SCFD2: variants seen among roughly 807,000 people sequenced by gnomAD.
SCFD2 encodes sec1 family domain-containing protein 2.
Under a neutral mutation model 58.9 loss-of-function variants are expected in SCFD2, and 54 were observed. That is an observed-to-expected ratio of 0.92 (90% CI 0.74 to 1.15). The LOEUF is 1.15. Ranked by LOEUF, SCFD2 falls within the 50% of genes most tolerant of loss-of-function variation. The pLI, the probability that SCFD2 is intolerant of heterozygous loss-of-function variation, is 0.00. For missense variants in SCFD2, 805 were observed against 836.6 expected (o/e 0.96, Z 0.47); for synonymous variants, 321 against 335.9 (o/e 0.96, Z 0.49).
intron 4 of SCFD2, among the ~76,000 whole-genome samples, chr4:53,182,006 T>C (rs894907172): frequency 4.6e-5 from 7 of 152,218 alleles, no homozygotes; most frequent in African/African-American, 1.4e-4. Flanking sequence ...TAAAAGAGGA[T>C]ACAAACAAAT....
At chr4:52,916,031 T>C (rs1719593623) in intron 6 of SCFD2, among the ~76,000 whole-genome samples, 1 of 152,180 alleles carries the variant, frequency 6.6e-6, no homozygotes, top group Non-Finnish European at 1.5e-5. Context: ...GTACAGTATG[T>C]GTCTGTGGAA....
intron 3 of SCFD2, among the ~76,000 whole-genome samples, chr4:53,280,535 A>G (rs1284331833): frequency 2.0e-5 from 3 of 152,118 alleles, no homozygotes; most frequent in Non-Finnish European, 4.4e-5. Flanking sequence ...AAAAGAAAGA[A>G]AGCAATTTTG....
chr4:53,236,858 T>C (rs1009107927), intron 4 of SCFD2, among the ~76,000 whole-genome samples: 2 of 150,666 alleles, frequency 1.3e-5, no homozygotes, highest in South Asian at 2.1e-4. Flanking sequence ...ATTTATTTTT[T>C]ATTGATAATT....
intron 5 of SCFD2, among the ~76,000 whole-genome samples, chr4:52,922,746 T>C (rs915620650): frequency 2.0e-5 from 3 of 152,344 alleles, no homozygotes; most frequent in African/African-American, 7.2e-5. Flanking sequence ...CAGCTGGTCA[T>C]ATGGTAACTT....
chr4:53,070,252 G>C (rs180916988), intron 5 of SCFD2, among the ~76,000 whole-genome samples: 1 of 152,094 alleles, frequency 6.6e-6, no homozygotes. Context: ...ATTAAATTAG[G>C]ATTTTTGACA....
chr4:53,295,917 C>T (rs1484291621), intron 3 of SCFD2, among the ~76,000 whole-genome samples: 2 of 152,124 alleles, frequency 1.3e-5, no homozygotes, highest in African/African-American at 4.8e-5. Flanking sequence ...GTCATTGGTT[C>T]TGTTTATGTG....
At chr4:53,312,963 A>C (rs1268627961) in intron 3 of SCFD2, among the ~76,000 whole-genome samples, 1 of 152,094 alleles carries the variant, frequency 6.6e-6, no homozygotes, top group Non-Finnish European at 1.5e-5. Context: ...TTAAAAGCCA[A>C]ATTTTTTTTC....
rs767217874 is a variant in SCFD2 at position 53,352,780 on chromosome 4, CAAG to C, written c.839-17_839-15del. 9.2e-5 allele frequency: 148 copies of C among 1,601,268 alleles called. 1 individual carries two copies. In the East Asian group the frequency reaches 3.3e-3, roughly 35 times the overall value. ...GTCCAACTGCTCCTGTTTAAGCAGA[CAAG>C]ATGATGTAAATTCATAAAATGGGAG... On this transcript the variant is annotated splice_polypyrimidine_tract_variant and intron_variant, in intron 1 of 8. Transcript: ENST00000401642.
intron 4 of SCFD2, among the ~76,000 whole-genome samples, chr4:53,267,249 T>C (rs927766689): frequency 1.3e-5 from 2 of 152,186 alleles, no homozygotes; most frequent in Non-Finnish European, 2.9e-5. Context: ...TTGGTGGCTC[T>C]AAAGCCCTTG....
At chr4:53,236,667 G>A (rs1187598881) in intron 4 of SCFD2, among the ~76,000 whole-genome samples, 1 of 149,836 alleles carries the variant, frequency 6.7e-6, no homozygotes, top group Non-Finnish European at 1.5e-5. Context: ...TAATCAAAAT[G>A]AGTTCTATGC....
intron 4 of SCFD2, among the ~76,000 whole-genome samples, chr4:53,208,580 A>G (rs1456944246): frequency 6.6e-6 from 1 of 152,140 alleles, no homozygotes. Flanking sequence ...TGCATACCCA[A>G]TCTCCTGACT....
chr4:52,911,351 T>C (rs201141280), intron 6 of SCFD2, among the ~76,000 whole-genome samples: 13 of 152,288 alleles, frequency 8.5e-5, no homozygotes, highest in Non-Finnish European at 1.6e-4. Context: ...TTTGACTAAA[T>C]TTTGGGGAAT....
chr4:52,940,959 A>G (rs910224861), intron 5 of SCFD2, among the ~76,000 whole-genome samples: 5 of 152,022 alleles, frequency 3.3e-5, no homozygotes, highest in Non-Finnish European at 2.9e-5. Flanking sequence ...CTTCTCTCTG[A>G]TATATCAGCT....
At chr4:53,224,197 T>C (rs909863410) in intron 4 of SCFD2, among the ~76,000 whole-genome samples, 1 of 152,088 alleles carries the variant, frequency 6.6e-6, no homozygotes, top group Non-Finnish European at 1.5e-5. Context: ...GAGACCAGCC[T>C]AACCAACATG....
intron 4 of SCFD2, among the ~76,000 whole-genome samples, chr4:53,229,659 A>C (rs1206436977): frequency 6.6e-6 from 1 of 152,254 alleles, no homozygotes; most frequent in Non-Finnish European, 1.5e-5. Flanking sequence ...ACCTAAAACC[A>C]GGAAAACCCT....
intron 5 of SCFD2, among the ~76,000 whole-genome samples, chr4:53,058,429 G>A (rs1160415620): frequency 7.2e-5 from 11 of 151,894 alleles, no homozygotes; most frequent in South Asian, 2.1e-4. Context: ...ATAATGTCTC[G>A]GGGAAAGTAG....
At chr4:53,171,963 ATTTAT>A in intron 4 of SCFD2, among the ~76,000 whole-genome samples, 1 of 149,342 alleles carries the variant, frequency 6.7e-6, no homozygotes, top group East Asian at 1.9e-4. Context: ...TTGATTATTT[ATTTAT>A]TTATTTATTT....
At chr4:53,360,147 A>G (rs752764880) in intron 1 of SCFD2, among the ~76,000 whole-genome samples, 26 of 152,234 alleles carry the variant, frequency 1.7e-4, no homozygotes, top group Non-Finnish European at 3.1e-4. Context: ...CAATACAGCT[A>G]TGTACCCACT....
chr4:53,048,099 C>T (rs1214164473), intron 5 of SCFD2, among the ~76,000 whole-genome samples: 3 of 152,130 alleles, frequency 2.0e-5, no homozygotes, highest in Non-Finnish European at 4.4e-5. Context: ...ACCTGTAATC[C>T]CAGCACTTTA....
Sources: gnomAD v4.1 joint callset for allele counts (sites outside exome capture counted in the v4.1 genomes callset) on GRCh38, gnomAD v4.1.1 for gene constraint, MANE v1.5 for transcripts, NCBI Gene and HGNC (gene_info 2026-07-23, HGNC 2026-07-21) for gene names.